RICTOR: variants seen among roughly 807,000 people sequenced by gnomAD.
RICTOR encodes the protein RPTOR independent companion of MTOR complex 2.
RICTOR carries 49 observed loss-of-function variants against 214.9 expected under a neutral mutation model. The observed-to-expected ratio is 0.23, with a 90% CI of 0.18 to 0.29. The LOEUF (loss-of-function observed/expected upper bound fraction) is 0.29, where lower values mean the gene tolerates loss of function less well. Ranked by LOEUF, RICTOR falls within the 10% of genes least tolerant of loss-of-function variation. The probability of loss-of-function intolerance (pLI) is 1.00; values close to 1 mark genes in which losing one functional copy is unlikely to be tolerated. For synonymous variants in RICTOR, 717 were observed against 711.3 expected (o/e 1.01, Z -0.13); for missense variants, 1,625 against 2,047.0 (o/e 0.79, Z 3.98).
At chr5:38,973,275 TC>T (rs1750935672) in intron 10 of RICTOR, among the ~76,000 whole-genome samples, 1 of 152,172 alleles carries the variant, frequency 6.6e-6, no homozygotes, top group East Asian at 1.9e-4. Context: ...CTCAAATCTC[TC>T]CCCCCGACAA....
Position 38,946,688 on chromosome 5 carries a change from T to C in RICTOR, c.4315-136A>G, listed in dbSNP as rs1030603399. The C allele has an allele frequency of 1.3e-5, 8 of 605,690 alleles. No individual in the cohort carries two copies. In the African/African-American group the frequency reaches 1.5e-4, roughly 11 times the overall value. 37.5% of individuals were successfully genotyped at this position (605,690 alleles called of 1,614,324 possible). A position where few individuals can be genotyped will look rare whatever the true frequency, so the allele number is the denominator to read the frequency against. ...AACCTATAATCAAGTTTACTGAAGGTTCAACTACCAAAACTTAACAAAATA... is the reference window on the plus strand; with the variant it reads ...AACCTATAATCAAGTTTACTGAAGGCTCAACTACCAAAACTTAACAAAATA... On this transcript the variant is annotated intron_variant, in intron 32 of 37. Coordinates refer to ENST00000357387, the MANE Select transcript of RICTOR (RefSeq NM_152756.5).
intron 5 of RICTOR, among the ~76,000 whole-genome samples, chr5:39,000,244 A>G (rs566094074): frequency 1.3e-5 from 2 of 152,130 alleles, no homozygotes; most frequent in Admixed American, 6.5e-5. Flanking sequence ...AGGACAAAAA[A>G]AAATACATAT....
chr5:38,966,545 T>A, intron 15 of RICTOR, 96 bp downstream of exon 15: 1 of 688,940 alleles, frequency 1.5e-6, no homozygotes, highest in Non-Finnish European at 2.5e-6. Context: ...CAAATTTATT[T>A]TTGAGATAAT....
At chr5:38,976,402 G>A (rs1751234092) in intron 9 of RICTOR, among the ~76,000 whole-genome samples, 1 of 151,962 alleles carries the variant, frequency 6.6e-6, no homozygotes, top group Non-Finnish European at 1.5e-5. Flanking sequence ...AAAAGTAGAA[G>A]GAATAAACAG....
In RICTOR at chr5:38,982,028, T is replaced by C; in HGVS notation, c.592A>G (p.Asn198Asp). ...IAIICELALQ[N>D]PEVVALRGGL... ...CCTCGAAGGGCCACCACCTCTGGAT[T>C]CTGAAGTGCTAAAAGAGAAAAACTT... The change falls in exon 8 of 38, where the codon AAT becomes GAT. Residue 198 changes from asparagine to aspartate, a missense_variant. By Grantham distance (23) the Asn-to-Asp change is conservative. This residue lies in a region of RICTOR where 258 missense variants were observed against 393.7 expected (regional missense o/e 0.66). Transcript: ENST00000357387. The C allele has an allele frequency of 6.2e-7, 1 of 1,608,504 alleles. No homozygotes were observed. Among genetic ancestry groups the C allele is most frequent in the Non-Finnish European group, 8.5e-7 (1 of 1,175,582 alleles).
intron 2 of RICTOR, among the ~76,000 whole-genome samples, chr5:39,067,555 CCCT>C (rs1266308666): frequency 2.0e-5 from 3 of 152,120 alleles, no homozygotes; most frequent in African/African-American, 7.2e-5. Context: ...ATGATATACA[CCCT>C]CATCATCTTA....
intron 2 of RICTOR, among the ~76,000 whole-genome samples, chr5:39,031,590 G>A (rs1458663862): frequency 1.3e-5 from 2 of 152,088 alleles, no homozygotes; most frequent in East Asian, 1.9e-4. Flanking sequence ...GAGATTAACT[G>A]TACAAATCTA....
intron 2 of RICTOR, among the ~76,000 whole-genome samples, chr5:39,034,477 T>C (rs1756510666): frequency 6.6e-6 from 1 of 152,192 alleles, no homozygotes; most frequent in Non-Finnish European, 1.5e-5. Flanking sequence ...TGCAGGACAG[T>C]GGGTGCAGCG....
chr5:38,994,878 C>T (rs1753065605), intron 6 of RICTOR, among the ~76,000 whole-genome samples: 1 of 152,144 alleles, frequency 6.6e-6, no homozygotes, highest in Non-Finnish European at 1.5e-5. Flanking sequence ...CGGTTATGCT[C>T]AAAGTGTAGA....
chr5:39,067,768 T>C lies in RICTOR; in HGVS notation c.97+6343A>G, dbSNP rs76875118. 4.8e-3 allele frequency among the ~76,000 whole-genome samples: 725 copies of C among 152,360 alleles called. 11 individuals are homozygous for C. The highest frequency in any genetic ancestry group is 0.017 in the African/African-American group (699 of 41,584). On this transcript the variant is annotated intron_variant, in intron 2 of 37. Coordinates refer to ENST00000357387, the MANE Select transcript of RICTOR (RefSeq NM_152756.5). ...GAACTCATTATCATCCTTCCCAAAA[T>C]GACTTCTCCATTTTATGGCACCATC...
At position 38,967,994 on chromosome 5, in the gene RICTOR, G is replaced by A. The variant is rs1185827480; in HGVS notation, c.1009C>T (p.Leu337Phe). The change falls in exon 12 of 38, where the codon CTT (leucine) becomes TTT (phenylalanine). Residue 337 changes from leucine (L) to phenylalanine (F), a missense_variant. Transcript: ENST00000357387. ...TCCTCAGTCACAACAGGTAGAGGAA[G>A]ACGAAATATATCATAAAGCACTTCA... ...LLEVLYDIFR[L>F]PLPVVTEEFI... 1.2e-6 allele frequency: 2 copies of A among 1,607,660 alleles called. No homozygotes were observed. Among genetic ancestry groups the A allele is most frequent in the Non-Finnish European group, 1.7e-6 (2 of 1,174,458 alleles).
chr5:39,072,416 T>C (rs1298329105), intron 2 of RICTOR, among the ~76,000 whole-genome samples: 2 of 152,160 alleles, frequency 1.3e-5, no homozygotes, highest in African/African-American at 2.4e-5. Flanking sequence ...CCACTATATA[T>C]AGGAGCTCGA....
In RICTOR at chr5:38,946,477, C is replaced by A; in HGVS notation, c.4390G>T (p.Asp1464Tyr). 6.2e-7 allele frequency: 1 copy of A among 1,606,088 alleles called. No individual in the cohort carries two copies. Among genetic ancestry groups the A allele is most frequent in the Non-Finnish European group, 8.5e-7 (1 of 1,172,850 alleles). ...DDRGARAFAH[D>Y]AGGLPSGTGG... ...ATGCACAATGCATTACCTCCTGCAT[C>A]ATGGGCAAATGCTCTTGCACCTCGA... Residue 1464 changes from aspartate (D) to tyrosine (Y), a missense_variant, in exon 33 of 38, where the codon GAT becomes TAT. Asp to Tyr is a radical substitution (Grantham distance 160, BLOSUM62 -3). Transcript: ENST00000357387.
intron 10 of RICTOR, among the ~76,000 whole-genome samples, chr5:38,973,347 A>G (rs1295474138): frequency 1.3e-5 from 2 of 152,222 alleles, no homozygotes; most frequent in Non-Finnish European, 2.9e-5. Flanking sequence ...TGCAGTGTTC[A>G]GGAGTGAAGA....
In RICTOR at chr5:39,021,092, A is replaced by G; in HGVS notation, c.142T>C (p.Leu48=). The stretch of plus-strand genomic sequence containing the variant: ...TTTCTCATATTTGATACTCCCTGCA[A>G]TCTGGCCACATTTTGGAGAATCTCT... The part of the protein sequence containing the change: ...LREILQNVAR[L]QGVSNMRKLG... The change falls in exon 3 of 38, where the codon TTG becomes CTG. Residue 48 remains leucine, a synonymous_variant. Coordinates refer to ENST00000357387, the MANE Select transcript of RICTOR (RefSeq NM_152756.5). 1.2e-6 allele frequency: 2 copies of G among 1,603,274 alleles called. No individual in the cohort carries two copies. The highest frequency in any genetic ancestry group is 1.7e-6 in the Non-Finnish European group (2 of 1,170,230).
chr5:39,065,270 G>A (rs1758818620), intron 2 of RICTOR, among the ~76,000 whole-genome samples: 1 of 152,140 alleles, frequency 6.6e-6, no homozygotes, highest in Non-Finnish European at 1.5e-5. Context: ...CTGGGGGGAA[G>A]GAGCCACAGG....
At chr5:39,029,684 A>C (rs1756118875) in intron 2 of RICTOR, among the ~76,000 whole-genome samples, 1 of 152,172 alleles carries the variant, frequency 6.6e-6, no homozygotes, top group Admixed American at 6.5e-5. Context: ...TTCACCCCTA[A>C]ACCATGTAGC....
rs1443889780 is a variant in RICTOR at position 38,942,744 on chromosome 5, C to T, written c.5052+89G>A. The T allele has an allele frequency of 6.4e-6, 7 of 1,091,436 alleles. No individual in the cohort carries two copies. In the East Asian group the frequency reaches 1.5e-4, roughly 23 times the overall value. 67.6% of individuals were successfully genotyped at this position (1,091,436 alleles called of 1,614,324 possible). ...GTGCTGGGATTGTAGGCATGAGTCACCACACCCAGCTATAATCTGTATTTT... is the reference window on the plus strand; with the variant it reads ...GTGCTGGGATTGTAGGCATGAGTCATCACACCCAGCTATAATCTGTATTTT... On this transcript the variant is annotated intron_variant, in intron 37 of 37. Transcript: ENST00000357387.
Position 38,990,146 on chromosome 5 carries a change from G to T in RICTOR, c.583+803C>A, listed in dbSNP as rs533963468. Among the ~76,000 whole-genome samples, 4 of 152,232 alleles carry T rather than the reference G, an allele frequency of 2.6e-5. No individual in the cohort carries two copies. The East Asian group carries it at 7.7e-4, about 29-fold the overall frequency. On this transcript the variant is annotated intron_variant, in intron 7 of 37. Coordinates refer to ENST00000357387, the MANE Select transcript of RICTOR (RefSeq NM_152756.5). Reference sequence around the variant, plus strand: ...GAAAATGTGGCACATATACACCATGGAATACTATGCAGCCATTAAAAAAGG... The same window carrying T: ...GAAAATGTGGCACATATACACCATGTAATACTATGCAGCCATTAAAAAAGG...
Sources: allele counts gnomAD v4.1 joint callset (sites outside exome capture counted in the v4.1 genomes callset), GRCh38; gene constraint gnomAD v4.1.1; regional missense constraint gnomAD v4.1.1; transcripts MANE v1.5; gene names NCBI Gene and HGNC (gene_info 2026-07-23, HGNC 2026-07-21).